RAB41: variants seen among roughly 807,000 people sequenced by gnomAD.
The protein encoded by RAB41 is RAB41, member RAS oncogene family.
Under a neutral mutation model 19.0 loss-of-function variants are expected in RAB41, and 15 were observed. The ratio of observed to expected loss-of-function variants is 0.79; its 90% CI spans 0.53 to 1.21. The LOEUF is 1.21. Ranked by LOEUF, RAB41 falls within the 50% of genes most tolerant of loss-of-function variation. The probability of loss-of-function intolerance (pLI) is 0.00; values close to 1 mark genes in which losing one functional copy is unlikely to be tolerated. For synonymous variants in RAB41, 73 were observed against 64.7 expected, an observed-to-expected ratio of 1.13 and a Z score of -0.62; for missense variants, 177 against 179.7, an observed-to-expected ratio of 0.99 and a Z score of 0.09.
rs774624394 is a variant in RAB41, at chrX:70,282,577, G to A, written c.169G>A (p.Gly57Ser). ...CAGCCGCTTCATGTACAACAGCTTC[G>A]GCTGCGCCTGCCAGGTAAGACCACC... ...IISRFMYNSF[G>S]CACQATVGID... is the part of the protein sequence containing the mutation. The change falls in exon 2 of 8, where the codon GGC becomes AGC. Residue 57 changes from glycine (G) to serine (S), a missense_variant. By Grantham distance (56) the Gly-to-Ser change is moderately conservative (BLOSUM62 0). Coordinates refer to ENST00000374473, the MANE Select transcript of RAB41 (RefSeq NM_001363807.1). 8.3e-6 allele frequency: 10 copies of A among 1,208,001 alleles called. No homozygotes were observed. The highest frequency in any genetic ancestry group is 2.3e-4 in the Middle Eastern group (1 of 4,367).
Position 70,284,685 on chromosome X carries a change from T to A in RAB41, c.*42T>A, listed in dbSNP as rs754533445. ...TGCCTCATTTGATGGATTTCTTACATTTGGGCTTGCCATACCAGTTCTCCT... is the reference window on the plus strand; with the variant it reads ...TGCCTCATTTGATGGATTTCTTACAATTGGGCTTGCCATACCAGTTCTCCT... On this transcript the variant is annotated 3_prime_UTR_variant, in exon 8 of 8. Transcript: ENST00000374473. 24 of 1,102,562 alleles carry A rather than the reference T, an allele frequency of 2.2e-5. No individual in the cohort carries two copies. The highest frequency in any genetic ancestry group is 2.9e-5 in the Non-Finnish European group (23 of 797,783). 90.9% of individuals were successfully genotyped at this position (1,102,562 alleles called of 1,213,427 possible).
chrX:70,283,425 A>C (rs1051276964), intron 4 of RAB41, 52 bp downstream of exon 4: 3 of 1,104,776 alleles, frequency 2.7e-6, no homozygotes, highest in Non-Finnish European at 3.8e-6. Flanking sequence ...AGGGATTGAT[A>C]GGGAGATTGA....
rs771678630 is a variant in RAB41 at position 70,282,257 on chromosome X, G to A, written c.40G>A (p.Gly14Arg). Residue 14 changes from glycine to arginine, a missense_variant, in exon 1 of 8, where the codon GGA becomes AGA. By Grantham distance (125) the Gly-to-Arg change is moderately radical. Coordinates refer to ENST00000374473, the MANE Select transcript of RAB41 (RefSeq NM_001363807.1). ...FGHDEAWMEA[G>R]GFGLEAAERT... ...TCACGACGAGGCCTGGATGGAGGCC[G>A]GAGGCTTTGGTCTGGAGGCTGCCGA... is the stretch of plus-strand genomic sequence containing the variant. 4.3e-5 allele frequency: 52 copies of A among 1,210,246 alleles called. No homozygotes were observed. The highest frequency in any genetic ancestry group is 2.1e-4 in the South Asian group (12 of 56,870).
At chrX:70,282,480 G>A in intron 1 of RAB41, 53 bp from the exon 2 acceptor site, 1 of 1,180,518 alleles carries the variant, frequency 8.5e-7, no homozygotes, top group Non-Finnish European at 1.2e-6. Flanking sequence ...TAGAAACTTT[G>A]AGGGGAGAAA....
intron 3 of RAB41, 65 bp downstream of exon 3, chrX:70,282,920 G>A: frequency 1.1e-6 from 1 of 944,420 alleles, no homozygotes; most frequent in Non-Finnish European, 1.5e-6. Context: ...CATCACAGTT[G>A]GGTAGCACCA....
chrX:70,283,845 T>TA (rs2085703247), intron 5 of RAB41, 105 bp from the exon 6 acceptor site: 1 of 600,280 alleles, frequency 1.7e-6, no homozygotes, highest in Admixed American at 2.9e-5. Flanking sequence ...GTCATGGGTT[T>TA]AAGGCTTCTA....
Position 70,282,266 on chromosome X carries a change from G to A in RAB41, c.49G>A (p.Gly17Ser). The A allele has an allele frequency of 8.3e-7, 1 of 1,211,926 alleles. No homozygotes were observed. The change falls in exon 1 of 8, where the codon GGT becomes AGT. Residue 17 changes from glycine to serine, a missense_variant. By Grantham distance (56) the Gly-to-Ser change is moderately conservative. Coordinates refer to ENST00000374473, the MANE Select transcript of RAB41 (RefSeq NM_001363807.1). ...DEAWMEAGGF[G>S]LEAAERTEYQ... The stretch of plus-strand genomic sequence containing the variant: ...GGCCTGGATGGAGGCCGGAGGCTTT[G>A]GTCTGGAGGCTGCCGAAAGAACGGA...
In RAB41 at chrX:70,284,714, C is replaced by T. The variant is rs1197166750; in HGVS notation, c.*71C>T. On this transcript the variant is annotated 3_prime_UTR_variant, in exon 8 of 8. Transcript: ENST00000374473. Reference sequence around the variant, plus strand: ...GGCTTGCCATACCAGTTCTCCTCCCCACCTCGTTTTATGATACATGGCCAC... The same window carrying T: ...GGCTTGCCATACCAGTTCTCCTCCCTACCTCGTTTTATGATACATGGCCAC... The T allele has an allele frequency of 1.7e-5, 15 of 883,514 alleles. No homozygotes were observed. Among genetic ancestry groups the T allele is most frequent in the Non-Finnish European group, 2.0e-5 (12 of 601,062 alleles). The allele number at this position is 883,514 out of a possible 1,213,427, so 72.8% of individuals were successfully genotyped here.
chrX:70,284,222 T>TC lies in RAB41; in HGVS notation c.550-44_550-43insC, dbSNP rs1569224781. ...AGCCTCTGAACCTGACCTTTTTTTT[T>TC]TCCCCTTTTTTTTTTTTTGGTCCCC... is the stretch of plus-strand genomic sequence containing the variant. On this transcript the variant is annotated intron_variant, in intron 6 of 7. Transcript: ENST00000374473. 5 of 1,162,994 alleles carry TC rather than the reference T, an allele frequency of 4.3e-6. No homozygotes were observed. In the Admixed American group the frequency reaches 7.3e-5, roughly 17 times the overall value.
At chrX:70,284,223 T>TTTTTTTTTTC (rs2085705278) in intron 6 of RAB41, 43 bp from the exon 7 acceptor site, 22 of 978,051 alleles carry the variant, frequency 2.2e-5, no homozygotes, top group Non-Finnish European at 3.0e-5. Context: ...CTTTTTTTTT[T>TTTTTTTTTTC]CCCCTTTTTT....
chrX:70,282,512 G>C (rs777294896), intron 1 of RAB41, 21 bp from the exon 2 acceptor site: 2 of 1,205,944 alleles, frequency 1.7e-6, no homozygotes, highest in African/African-American at 3.5e-5. Context: ...GCGACGATTG[G>C]CCTGCTTATC....
At chrX:70,283,396 T>C (rs2085699630) in intron 4 of RAB41, 23 bp downstream of exon 4, 2 of 1,149,896 alleles carry the variant, frequency 1.7e-6, no homozygotes, top group African/African-American at 3.5e-5. Flanking sequence ...CAATGTTTTA[T>C]TTGAAAAGGG....
At position 70,283,560 on chromosome X, in the gene RAB41, G is replaced by A. The variant is rs752597095; in HGVS notation, c.391G>A (p.Ala131Thr). Residue 131 changes from alanine to threonine, a missense_variant, in exon 5 of 8, where the codon GCA becomes ACA. Transcript: ENST00000374473. ...ETDKWVEHVR[A>T]ERGDDVVIML... ...AGATAAGTGGGTAGAACACGTGCGA[G>A]CAGAAAGAGGTGACGATGTTGTCAT... The A allele has an allele frequency of 8.3e-7, 1 of 1,209,739 alleles. No homozygotes were observed. Among genetic ancestry groups the A allele is most frequent in the East Asian group, 3.0e-5 (1 of 33,858 alleles).
Position 70,284,652 on chromosome X carries a change from G to C in RAB41, c.*9G>C. On this transcript the variant is annotated 3_prime_UTR_variant, in exon 8 of 8. Transcript: ENST00000374473. Reference sequence around the variant, plus strand: ...ACAGAAGCTATTGTTGACAGCTTAGGCTTTCTCTGCCTCATTTGATGGATT... The same window carrying C: ...ACAGAAGCTATTGTTGACAGCTTAGCCTTTCTCTGCCTCATTTGATGGATT... 8.4e-7 allele frequency: 1 copy of C among 1,193,524 alleles called. No homozygotes were observed. The highest frequency in any genetic ancestry group is 1.1e-6 in the Non-Finnish European group (1 of 879,017).
chrX:70,284,933 C>A lies in RAB41; in HGVS notation c.*290C>A. ...TACAGCAGCTGACATACTTCAAAGG[C>A]CAATACAATTCATTCTCCACTGTTT... On this transcript the variant is annotated 3_prime_UTR_variant, in exon 8 of 8. Coordinates refer to ENST00000374473, the MANE Select transcript of RAB41 (RefSeq NM_001363807.1). 2 of 337,427 alleles carry A rather than the reference C, an allele frequency of 5.9e-6. No individual in the cohort carries two copies. Among genetic ancestry groups the A allele is most frequent in the East Asian group, 5.1e-5 (1 of 19,514 alleles). 27.8% of individuals were successfully genotyped at this position (337,427 alleles called of 1,213,427 possible).
chrX:70,284,036 T>C lies in RAB41; in HGVS notation c.542T>C (p.Val181Ala). Reference protein sequence around the residue: ...IETSAKTGYNVKKLFRRVASA... With the variant: ...IETSAKTGYNAKKLFRRVASA... ...ACCAGTGCCAAAACCGGTTACAACGTGAAAAAGGTAATACTTGTTTCTTTC... is the reference window on the plus strand; with the variant it reads ...ACCAGTGCCAAAACCGGTTACAACGCGAAAAAGGTAATACTTGTTTCTTTC... The change falls in exon 6 of 8, where the codon GTG (valine) becomes GCG (alanine). Residue 181 changes from valine (V) to alanine (A), a missense_variant. Coordinates refer to ENST00000374473, the MANE Select transcript of RAB41 (RefSeq NM_001363807.1). 1 of 1,175,331 alleles carries C rather than the reference T, an allele frequency of 8.5e-7. No homozygotes were observed. The highest frequency in any genetic ancestry group is 1.2e-6 in the Non-Finnish European group (1 of 862,730).
chrX:70,283,149 T>TCTCAGG (rs1408423549), intron 3 of RAB41, 119 bp from the exon 4 acceptor site: 7 of 604,003 alleles, frequency 1.2e-5, no homozygotes, highest in Non-Finnish European at 1.6e-5. Context: ...AGCAGCCACT[T>TCTCAGG]CTCAGGGATC....
chrX:70,282,581 G>T lies in RAB41; in HGVS notation c.173G>T (p.Cys58Phe). ...ISRFMYNSFG[C>F]ACQATVGIDF... ...CGCTTCATGTACAACAGCTTCGGCT[G>T]CGCCTGCCAGGTAAGACCACCACCG... The change falls in exon 2 of 8, where the codon TGC (cysteine) becomes TTC (phenylalanine). Residue 58 changes from cysteine to phenylalanine, a missense_variant. Transcript: ENST00000374473. 8.3e-7 allele frequency: 1 copy of T among 1,210,076 alleles called. No homozygotes were observed. Among genetic ancestry groups the T allele is most frequent in the South Asian group, 1.8e-5 (1 of 56,896 alleles).
At chrX:70,283,839 T>A (rs2085703207) in intron 5 of RAB41, 111 bp from the exon 6 acceptor site, 1 of 578,049 alleles carries the variant, frequency 1.7e-6, no homozygotes, top group African/African-American at 2.3e-5. Flanking sequence ...AGAAGGGTCA[T>A]GGGTTTAAGG....
Sources: gnomAD v4.1 joint callset for allele counts on GRCh38, gnomAD v4.1.1 for gene constraint, MANE v1.5 for transcripts, NCBI Gene and HGNC (gene_info 2026-07-23, HGNC 2026-07-21) for gene names.